NOL4L: variants seen among roughly 807,000 people sequenced by gnomAD.
NOL4L encodes the protein nucleolar protein 4-like.
In NOL4L, 7 loss-of-function variants were observed where a neutral mutation model predicts 64.5. The ratio of observed to expected loss-of-function variants is 0.11; its 90% CI spans 0.06 to 0.20. The LOEUF (loss-of-function observed/expected upper bound fraction) is 0.20. Ranked by LOEUF, NOL4L falls within the 10% of genes least tolerant of loss-of-function variation. The probability of loss-of-function intolerance (pLI) is 1.00; values close to 1 mark genes in which losing one functional copy is unlikely to be tolerated. For synonymous variants in NOL4L, 413 were observed against 401.0 expected (o/e 1.03, Z -0.36); for missense variants, 680 against 967.1 (o/e 0.70, Z 3.94).
chr20:32,464,981 C>T lies in NOL4L; in HGVS notation c.842-8586G>A, dbSNP rs12624543. The T allele has an allele frequency of 6.8e-4, 391 of 577,302 alleles. 1 individual carries two copies. Among genetic ancestry groups the T allele is most frequent in the South Asian group, 1.6e-3 (73 of 45,694 alleles). The allele number at this position is 577,302 out of a possible 1,614,324, so 35.8% of individuals were successfully genotyped here. ...AGCCGTCCTTGGCTAATGAATTAGA[C>T]GTCACACACCTAGATCTTCCCCTAA... On this transcript the variant is annotated intron_variant, in intron 5 of 10. Coordinates refer to ENST00000621426, the MANE Select transcript of NOL4L (RefSeq NM_001256798.2). The surrounding 1 kb of genome is among the most constrained non-coding windows in gnomAD (Gnocchi z 5.6).
intron 5 of NOL4L, among the ~76,000 whole-genome samples, chr20:32,462,830 G>C (rs984403370): frequency 2.0e-5 from 3 of 146,940 alleles, no homozygotes; most frequent in Non-Finnish European, 3.0e-5. Flanking sequence ...GCTTGAACCC[G>C]GGAGGTGGAG....
At chr20:32,536,242 G>C (rs563173461) in intron 1 of NOL4L, 40 of 985,440 alleles carry the variant, frequency 4.1e-5, no homozygotes, top group East Asian at 3.4e-4. Context: ...GTCACCGAAG[G>C]GGGGGTCCTA....
chr20:32,520,878 C>G lies in NOL4L; in HGVS notation c.522G>C (p.Arg174=), dbSNP rs761195178. ...GACACTCCGTACAGCTCATCAGGAA[C>G]CGGGTCACGGCCTCTCTCGGGAGGA... is the stretch of plus-strand genomic sequence containing the variant. ...YAFLPREAVT[R]FLMSCTECQK... The change falls in exon 3 of 11, where the codon CGG becomes CGC. Residue 174 remains arginine (R), a synonymous_variant. Coordinates refer to ENST00000621426, the MANE Select transcript of NOL4L (RefSeq NM_001256798.2). The G allele has an allele frequency of 5.8e-6, 9 of 1,550,546 alleles. No individual in the cohort carries two copies. The highest frequency in any genetic ancestry group is 7.8e-6 in the Non-Finnish European group (9 of 1,146,984).
At chr20:32,519,835 G>T (rs1421393870) in intron 3 of NOL4L, 1 of 152,208 alleles carries the variant, frequency 6.6e-6, no homozygotes, top group Non-Finnish European at 1.5e-5. Flanking sequence ...TTGAGATGGG[G>T]TCTAACTCTG....
intron 6 of NOL4L, 48 bp downstream of exon 6, chr20:32,456,070 G>T: frequency 6.9e-7 from 1 of 1,451,720 alleles, no homozygotes; most frequent in South Asian, 1.5e-5. Context: ...CTCGCCTCGC[G>T]ACAGCCCTTT....
chr20:32,483,305 C>T, intron 4 of NOL4L: 10 of 941,816 alleles, frequency 1.1e-5, no homozygotes, highest in Non-Finnish European at 1.3e-5. Flanking sequence ...AGAAGGGGGG[C>T]GGCGGCCCGG....
chr20:32,497,527 TC>T, intron 4 of NOL4L, among the ~76,000 whole-genome samples: 1 of 152,196 alleles, frequency 6.6e-6, no homozygotes, highest in Admixed American at 6.5e-5. Context: ...GCCCAAAATA[TC>T]CCACTAGTTC....
chr20:32,457,537 G>GC (rs1266185161), intron 5 of NOL4L, among the ~76,000 whole-genome samples: 1 of 150,278 alleles, frequency 6.7e-6, no homozygotes, highest in East Asian at 2.0e-4. Context: ...CACCTCCAGA[G>GC]CGTCCCCATG....
Position 32,585,090 on chromosome 20 carries a change from CGGCGGCGGCGGCGTT to C in NOL4L, c.-215_-201del, listed in dbSNP as rs993319286. 1 of 158,924 alleles carries C rather than the reference CGGCGGCGGCGGCGTT, an allele frequency of 6.3e-6. No homozygotes were observed. Among genetic ancestry groups the C allele is most frequent in the East Asian group, 2.0e-4 (1 of 5,076 alleles). The allele number at this position is 158,924 out of a possible 1,614,324, so 9.8% of individuals were successfully genotyped here. A position where few individuals can be genotyped will look rare whatever the true frequency, so the allele number is the denominator to read the frequency against. On this transcript the variant is annotated 5_prime_UTR_variant, in exon 1 of 11. Coordinates refer to ENST00000621426, the MANE Select transcript of NOL4L (RefSeq NM_001256798.2). ...TGCGGCGCGCTCTGTCCTGCTCGGG[CGGCGGCGGCGGCGTT>C]GGCGGCGGCGGCTCCGGCTCGCCTC...
intron 5 of NOL4L, among the ~76,000 whole-genome samples, chr20:32,465,739 C>A (rs112778515): frequency 3.3e-5 from 5 of 152,254 alleles, no homozygotes; most frequent in African/African-American, 1.2e-4. Flanking sequence ...AGTCTGGGTT[C>A]GGTGCATTGC....
At chr20:32,551,173 C>G (rs957728443) in intron 1 of NOL4L, among the ~76,000 whole-genome samples, 1 of 151,534 alleles carries the variant, frequency 6.6e-6, no homozygotes, top group Non-Finnish European at 1.5e-5. Context: ...GTCACGAGTT[C>G]GAGACCAGCC....
At chr20:32,470,726 T>G (rs2014949793) in intron 5 of NOL4L, among the ~76,000 whole-genome samples, 1 of 152,226 alleles carries the variant, frequency 6.6e-6, no homozygotes, top group African/African-American at 2.4e-5. Flanking sequence ...GGCAGGAAAC[T>G]GTGGCAGGAG....
chr20:32,479,052 T>G (rs2015570325), intron 4 of NOL4L, among the ~76,000 whole-genome samples: 1 of 152,240 alleles, frequency 6.6e-6, no homozygotes, highest in South Asian at 2.1e-4. Flanking sequence ...GCAACCTGTC[T>G]GGCGCAGCAC....
In NOL4L at chr20:32,453,729, G is replaced by A. The variant is rs1248315822; in HGVS notation, c.1152C>T (p.Ser384=). 6.4e-6 allele frequency: 10 copies of A among 1,555,512 alleles called. No individual in the cohort carries two copies. Among genetic ancestry groups the A allele is most frequent in the Non-Finnish European group, 7.8e-6 (9 of 1,149,044 alleles). ...SPPYSSGSYD[S]IKTEVSGCPE... ...GGCAGCCGCTGACCTCGGTCTTGAT[G>A]GAATCGTAGCTCCCAGAGCTGTAGG... The change falls in exon 7 of 11, where the codon TCC becomes TCT. Residue 384 remains serine, a synonymous_variant. Coordinates refer to ENST00000621426, the MANE Select transcript of NOL4L (RefSeq NM_001256798.2). This position sits in a 1 kb window ranked among gnomAD's most constrained non-coding sequence, Gnocchi z 5.6.
At chr20:32,526,081 G>T (rs2018122864) in intron 2 of NOL4L, among the ~76,000 whole-genome samples, 1 of 152,018 alleles carries the variant, frequency 6.6e-6, no homozygotes, top group Non-Finnish European at 1.5e-5. Flanking sequence ...TTAAGAGAAG[G>T]GGTCTTGCTA....
At chr20:32,558,269 G>A (rs989198132) in intron 1 of NOL4L, among the ~76,000 whole-genome samples, 77 of 152,298 alleles carry the variant, frequency 5.1e-4, no homozygotes, top group African/African-American at 1.8e-3. Flanking sequence ...AGCCCAGGAA[G>A]GGTCACTTCA....
At chr20:32,580,020 T>C (rs938139250) in intron 1 of NOL4L, among the ~76,000 whole-genome samples, 4 of 152,190 alleles carry the variant, frequency 2.6e-5, no homozygotes, top group African/African-American at 9.7e-5. Flanking sequence ...GAGGGATGCT[T>C]TGAAACTAAT....
rs2013907316 is a variant in NOL4L at position 32,460,085 on chromosome 20, A to G, written c.842-3690T>C. ...GTACAGTGAGGCTCCACGGGCTGGG[A>G]ATGGGCAGTTAGTACTTAAAGGGTG... is the stretch of plus-strand genomic sequence containing the variant. On this transcript the variant is annotated intron_variant, in intron 5 of 10. Transcript: ENST00000621426. The surrounding 1 kb of genome is among the most constrained non-coding windows in gnomAD (Gnocchi z 5.7). Among the ~76,000 whole-genome samples the G allele has an allele frequency of 6.6e-6, 1 of 152,216 alleles. No homozygotes were observed. The highest frequency in any genetic ancestry group is 1.5e-5 in the Non-Finnish European group (1 of 68,034).
intron 1 of NOL4L, among the ~76,000 whole-genome samples, chr20:32,541,691 C>A (rs1263646788): frequency 6.6e-6 from 1 of 152,268 alleles, no homozygotes; most frequent in African/African-American, 2.4e-5. Flanking sequence ...GGCCAAGACC[C>A]AGCAGCTTGG....
Sources: allele counts gnomAD v4.1 joint callset (sites outside exome capture counted in the v4.1 genomes callset), GRCh38; gene constraint gnomAD v4.1.1; non-coding constraint Gnocchi (gnomAD v3.1); transcripts MANE v1.5; gene names NCBI Gene and HGNC (gene_info 2026-07-23, HGNC 2026-07-21).